Variants in DPYD observed in about 807,000 individuals in gnomAD.
DPYD encodes dihydropyrimidine dehydrogenase [NADP(+)].
Under a neutral mutation model 116.2 loss-of-function variants are expected in DPYD, and 109 were observed. The observed-to-expected ratio is 0.94, with a 90% confidence interval of 0.80 to 1.10. The LOEUF is 1.10. Among genes scored for constraint, DPYD ranks in the 50% least tolerant of loss-of-function variants. The probability of loss-of-function intolerance (pLI) is 0.00; values close to 1 mark genes in which losing one functional copy is unlikely to be tolerated. For synonymous variants in DPYD, 440 were observed against 432.0 expected (o/e 1.02, Z -0.23); for missense variants, 1,302 against 1,254.5 (o/e 1.04, Z -0.57).
intron 16 of DPYD, among the ~76,000 whole-genome samples, chr1:97,323,413 CACGT>C (rs1396903321): frequency 1.1e-5 from 1 of 90,078 alleles, no homozygotes; most frequent in African/African-American, 3.5e-5. Context: ...TGTATATGTA[CACGT>C]ATATATACAT....
At chr1:97,114,829 A>G (rs1205904858) in intron 20 of DPYD, among the ~76,000 whole-genome samples, 4 of 152,210 alleles carry the variant, frequency 2.6e-5, no homozygotes, top group African/African-American at 9.6e-5. Context: ...ATGAAACTGT[A>G]TATGTGAATA....
intron 14 of DPYD, among the ~76,000 whole-genome samples, chr1:97,421,130 A>C (rs909123197): frequency 2.0e-5 from 3 of 152,088 alleles, no homozygotes; most frequent in African/African-American, 7.2e-5. Flanking sequence ...AAAGCCCCTT[A>C]ATTTCTCCAA....
chr1:97,238,644 C>T (rs72726650), intron 18 of DPYD, among the ~76,000 whole-genome samples: 20,368 of 152,020 alleles, frequency 0.13, 1,685 homozygotes, highest in East Asian at 0.34. Context: ...TTACAATTAT[C>T]GAGATAAAGG....
At chr1:97,437,751 CA>C (rs1675549366) in intron 14 of DPYD, among the ~76,000 whole-genome samples, 1 of 151,906 alleles carries the variant, frequency 6.6e-6, no homozygotes, top group African/African-American at 2.4e-5. Flanking sequence ...TATCAAATCA[CA>C]TATATCCTTT....
intron 16 of DPYD, among the ~76,000 whole-genome samples, chr1:97,331,553 G>A (rs1047715341): frequency 6.6e-6 from 1 of 152,106 alleles, no homozygotes; most frequent in African/African-American, 2.4e-5. Context: ...AGTTGAAACT[G>A]CAAATGTTTG....
At chr1:97,082,025 A>C (rs1487934351) in intron 22 of DPYD, among the ~76,000 whole-genome samples, 2 of 152,114 alleles carry the variant, frequency 1.3e-5, no homozygotes, top group African/African-American at 4.8e-5. Context: ...ATGCTTTCCT[A>C]GTATTCCTAA....
At chr1:97,669,368 T>A (rs546235732) in intron 8 of DPYD, among the ~76,000 whole-genome samples, 20 of 152,260 alleles carry the variant, frequency 1.3e-4, no homozygotes, top group African/African-American at 4.6e-4. Flanking sequence ...ATTCCTGACA[T>A]AACTTATAAC....
intron 20 of DPYD, among the ~76,000 whole-genome samples, chr1:97,191,697 C>T (rs775730646): frequency 1.3e-5 from 2 of 152,124 alleles, no homozygotes; most frequent in Non-Finnish European, 2.9e-5. Flanking sequence ...GCTCACATGG[C>T]AACCACCCAA....
At chr1:97,289,370 C>A (rs932737307) in intron 18 of DPYD, among the ~76,000 whole-genome samples, 2 of 152,128 alleles carry the variant, frequency 1.3e-5, no homozygotes, top group African/African-American at 4.8e-5. Context: ...CAAAGCCGGG[C>A]AGAGACACAA....
chr1:97,150,155 CTCTT>C (rs368171650), intron 20 of DPYD, among the ~76,000 whole-genome samples: 247 of 152,216 alleles, frequency 1.6e-3, no homozygotes, highest in African/African-American at 5.7e-3. Flanking sequence ...TTCCAAATAT[CTCTT>C]TCTCACAGAA....
chr1:97,161,817 G>C (rs1349017918), intron 20 of DPYD, among the ~76,000 whole-genome samples: 15 of 147,226 alleles, frequency 1.0e-4, no homozygotes, highest in African/African-American at 2.8e-4. Context: ...TGAGAACATG[G>C]GGTGTTTGGT....
chr1:97,084,269 A>T (rs970077737), intron 21 of DPYD, among the ~76,000 whole-genome samples: 1 of 151,910 alleles, frequency 6.6e-6, no homozygotes, highest in Non-Finnish European at 1.5e-5. Flanking sequence ...CTGAGATCTA[A>T]CATTAGGTTA....
rs140677652 is a variant in DPYD, at chr1:97,398,218, T to G, written c.1906-15757A>C. 3.7e-3 allele frequency among the ~76,000 whole-genome samples: 564 copies of G among 152,250 alleles called. 6 individuals are homozygous for G. The highest frequency in any genetic ancestry group is 0.013 in the African/African-American group (543 of 41,562). On this transcript the variant is annotated intron_variant, in intron 14 of 22. Transcript: ENST00000370192. ...GGTGTTTGGATTTCTGTCCTTGCGA[T>G]AGTGTGCTGAGAATGATGGTTTCCA...
intron 18 of DPYD, among the ~76,000 whole-genome samples, chr1:97,249,773 G>C (rs915473431): frequency 1.3e-5 from 2 of 152,020 alleles, no homozygotes; most frequent in African/African-American, 4.8e-5. Flanking sequence ...CAAAATACTT[G>C]AACAATACTT....
chr1:97,593,322 C>T lies in DPYD; in HGVS notation c.1024G>A (p.Asp342Asn), dbSNP rs183385770. 7 of 1,614,148 alleles carry T rather than the reference C, an allele frequency of 4.3e-6. No homozygotes were observed. In the African/African-American group the frequency reaches 6.7e-5, roughly 15 times the overall value. Residue 342 changes from aspartate to asparagine, a missense_variant, in exon 10 of 23, where the codon GAC becomes AAC. By Grantham distance (23) the Asp-to-Asn change is conservative. Transcript: ENST00000370192. The part of the protein sequence containing the change: ...RGVVIVLGAG[D>N]TAFDCATSAL... The stretch of plus-strand genomic sequence containing the variant: ...GATGTTGCACAGTCAAAGGCAGTGT[C>T]TCCAGCTCCAAGTACAATCACGACT...
At position 97,691,671 on chromosome 1, in the gene DPYD, T is replaced by G. The variant is rs748558716; in HGVS notation, c.762+46A>C. On this transcript the variant is annotated intron_variant, in intron 7 of 22. Transcript: ENST00000370192. ...TGTTAATCTTTAGTGTAGAGCTTAC[T>G]CCTTTCTTTTTGAGCAGTACACAGA... The G allele has an allele frequency of 2.0e-6, 3 of 1,480,524 alleles. No homozygotes were observed. In the Admixed American group the frequency reaches 5.0e-5, roughly 25 times the overall value. 91.7% of individuals were successfully genotyped at this position (1,480,524 alleles called of 1,614,324 possible). A position where few individuals can be genotyped will look rare whatever the true frequency, so the allele number is the denominator to read the frequency against.
At chr1:97,109,862 AAT>A (rs1339919565) in intron 20 of DPYD, among the ~76,000 whole-genome samples, 1 of 152,122 alleles carries the variant, frequency 6.6e-6, no homozygotes, top group Non-Finnish European at 1.5e-5. Flanking sequence ...TAATATAAAA[AAT>A]ATCTTTCTAA....
chr1:97,890,865 T>C (rs907362907), intron 1 of DPYD, among the ~76,000 whole-genome samples: 1 of 152,010 alleles, frequency 6.6e-6, no homozygotes, highest in Non-Finnish European at 1.5e-5. Flanking sequence ...GAATAAACAT[T>C]CTGAATGTAA....
intron 14 of DPYD, among the ~76,000 whole-genome samples, chr1:97,424,048 A>T (rs2101707226): frequency 6.6e-6 from 1 of 152,244 alleles, no homozygotes; most frequent in East Asian, 1.9e-4. Flanking sequence ...GAACTTTCTT[A>T]GTATATAATG....
Sources: gnomAD v4.1 joint callset for allele counts (sites outside exome capture counted in the v4.1 genomes callset) on GRCh38, gnomAD v4.1.1 for gene constraint, MANE v1.5 for transcripts, NCBI Gene and HGNC (gene_info 2026-07-23, HGNC 2026-07-21) for gene names.